SLC18A1: variants seen among roughly 807,000 people sequenced by gnomAD.
SLC18A1 encodes the protein chromaffin granule amine transporter.
Under a neutral mutation model 53.7 loss-of-function variants are expected in SLC18A1, and 69 were observed. The ratio of observed to expected loss-of-function variants is 1.28; its 90% CI spans 1.06 to 1.57. SLC18A1 has a LOEUF of 1.57. Among genes scored for constraint, SLC18A1 ranks in the 40% most tolerant of loss-of-function variants. SLC18A1 has a pLI of 0.00. For synonymous variants in SLC18A1, 320 were observed against 248.1 expected, an observed-to-expected ratio of 1.29 and a Z score of -2.72; for missense variants, 932 against 668.1, an observed-to-expected ratio of 1.40 and a Z score of -4.35.
rs1462671416 is a variant in SLC18A1, at chr8:20,147,337, A to T, written c.1385T>A (p.Val462Asp). The change falls in exon 15 of 16, where the codon GTC becomes GAC. Residue 462 changes from valine (V) to aspartate (D), a missense_variant. Transcript: ENST00000276373. ...VKAIGFPWLMVITGVINIVYA... is the reference protein window; with the variant it reads ...VKAIGFPWLMDITGVINIVYA... ...GACGATGTTGATGACCCCAGTGATG[A>T]CCATGAGCCAGGGAAAACCGATGGC... is the stretch of plus-strand genomic sequence containing the variant. 3 of 1,613,376 alleles carry T rather than the reference A, an allele frequency of 1.9e-6. No individual in the cohort carries two copies. The African/African-American group carries it at 4.0e-5, about 22-fold the overall frequency.
intron 14 of SLC18A1, 92 bp downstream of exon 14, chr8:20,147,511 T>C: frequency 6.3e-7 from 1 of 1,587,790 alleles, no homozygotes. Context: ...GTCAAAGATC[T>C]CCAGAACCCT....
At chr8:20,174,856 C>G (rs2072217576) in intron 4 of SLC18A1, among the ~76,000 whole-genome samples, 1 of 152,188 alleles carries the variant, frequency 6.6e-6, no homozygotes, top group South Asian at 2.1e-4. Context: ...CTGGGTCCCA[C>G]AGGATCATCT....
At chr8:20,182,335 C>A (rs768642310) in intron 1 of SLC18A1, among the ~76,000 whole-genome samples, 1 of 128,850 alleles carries the variant, frequency 7.8e-6, no homozygotes, top group South Asian at 2.4e-4. Context: ...TTAAGCGGCT[C>A]TTAAAAATTA....
chr8:20,179,442 T>G lies in SLC18A1; in HGVS notation c.167A>C (p.Glu56Ala). 6.2e-7 allele frequency: 1 copy of G among 1,613,722 alleles called. No individual in the cohort carries two copies. Among genetic ancestry groups the G allele is most frequent in the African/African-American group, 1.3e-5 (1 of 75,038 alleles). ...PTFLYDMEFK[E>A]VNSSLHLGHA... ...GCCGAGGTGCAGAGAAGAGTTGACT[T>G]CTTTGAACTCCATGTCATATAGGAA... The change falls in exon 3 of 16, where the codon GAA (glutamate) becomes GCA (alanine). Residue 56 changes from glutamate (E) to alanine (A), a missense_variant. Physicochemically the swap from Glu to Ala is moderately radical, Grantham distance 107. Coordinates refer to ENST00000276373, the MANE Select transcript of SLC18A1 (RefSeq NM_003053.4).
rs754398091 is a variant in SLC18A1 at position 20,174,404 on chromosome 8, G to A, written c.588C>T (p.Ala196=). Residue 196 remains alanine, a synonymous_variant, in exon 5 of 16, where the codon GCC becomes GCT. Transcript: ENST00000276373. The part of the protein sequence containing the change: ...FSGTYTLLFV[A]RTLQGIGSSF... ...AAGATCCAATGCCTTGAAGGGTTCG[G>A]GCCACAAAGAGTAGAGTATAGGTCC... 1 of 1,614,020 alleles carries A rather than the reference G, an allele frequency of 6.2e-7. No individual in the cohort carries two copies. The highest frequency in any genetic ancestry group is 1.3e-5 in the African/African-American group (1 of 75,018).
intron 8 of SLC18A1, among the ~76,000 whole-genome samples, chr8:20,169,139 C>T (rs890332437): frequency 3.3e-5 from 5 of 152,104 alleles, no homozygotes; most frequent in African/African-American, 1.2e-4. Flanking sequence ...TACCTCCAGA[C>T]ATGAAACTCA....
chr8:20,148,523 GA>G, intron 12 of SLC18A1: 2 of 1,261,810 alleles, frequency 1.6e-6, no homozygotes, highest in Non-Finnish European at 2.1e-6. Context: ...GTAGCTGTTG[GA>G]AAAAGAAGAT....
Position 20,181,104 on chromosome 8 carries a change from T to G in SLC18A1, c.-123-17A>C. 1 of 865,476 alleles carries G rather than the reference T, an allele frequency of 1.2e-6. No homozygotes were observed. Among genetic ancestry groups the G allele is most frequent in the Non-Finnish European group, 1.7e-6 (1 of 585,182 alleles). The allele number at this position is 865,476 out of a possible 1,614,324, so 53.6% of individuals were successfully genotyped here. A position where few individuals can be genotyped will look rare whatever the true frequency, so the allele number is the denominator to read the frequency against. On this transcript the variant is annotated splice_polypyrimidine_tract_variant and intron_variant, in intron 1 of 15. Coordinates refer to ENST00000276373, the MANE Select transcript of SLC18A1 (RefSeq NM_003053.4). ...GGAAACTCACTATTAAAACGAAAAG[T>G]GCAAAGGGTTGCAAGTAGTAGGATG... is the stretch of plus-strand genomic sequence containing the variant.
intron 4 of SLC18A1, among the ~76,000 whole-genome samples, chr8:20,176,433 C>G (rs530939536): frequency 6.6e-6 from 1 of 152,304 alleles, no homozygotes; most frequent in Non-Finnish European, 1.5e-5. Flanking sequence ...ATGACCCAGC[C>G]TCAGGTACTC....
intron 8 of SLC18A1, among the ~76,000 whole-genome samples, chr8:20,170,202 G>A (rs2072076412): frequency 6.6e-6 from 1 of 151,896 alleles, no homozygotes; most frequent in African/African-American, 2.4e-5. Context: ...ACTGCGGGAG[G>A]CTCCTAGTTG....
chr8:20,178,347 C>G, intron 4 of SLC18A1, 88 bp downstream of exon 4: 1 of 1,037,620 alleles, frequency 9.6e-7, no homozygotes, highest in Non-Finnish European at 1.4e-6. Flanking sequence ...TAATTACATT[C>G]TAGGTTACCC....
At chr8:20,154,929 AG>A in intron 10 of SLC18A1, among the ~76,000 whole-genome samples, 1 of 152,204 alleles carries the variant, frequency 6.6e-6, no homozygotes, top group African/African-American at 2.4e-5. Context: ...TGATCCAGCA[AG>A]GCACCCATTG....
intron 4 of SLC18A1, among the ~76,000 whole-genome samples, chr8:20,176,419 A>G (rs932597613): frequency 2.0e-5 from 3 of 152,214 alleles, no homozygotes; most frequent in Non-Finnish European, 2.9e-5. Flanking sequence ...TCTTTCTAAT[A>G]TAAATGACCC....
chr8:20,168,179 G>C (rs1351745040), intron 8 of SLC18A1, among the ~76,000 whole-genome samples: 1 of 152,062 alleles, frequency 6.6e-6, no homozygotes, highest in East Asian at 1.9e-4. Context: ...TTCAAGGCCA[G>C]CCTGGGCAAC....
chr8:20,179,219 A>G lies in SLC18A1; in HGVS notation c.390T>C (p.Gly130=). Residue 130 remains glycine, a synonymous_variant, in exon 3 of 16, where the codon GGT becomes GGC. Coordinates refer to ENST00000276373, the MANE Select transcript of SLC18A1 (RefSeq NM_003053.4). The part of the protein sequence containing the change: ...AHKNNCLQGT[G]FLEEEITRVG... ...CCCGGGTAATCTCTTCCTCCAAGAAACCTGTGCCTTGCAAGCAGTTGTTTT... is the reference window on the plus strand; with the variant it reads ...CCCGGGTAATCTCTTCCTCCAAGAAGCCTGTGCCTTGCAAGCAGTTGTTTT... 1 of 1,614,152 alleles carries G rather than the reference A, an allele frequency of 6.2e-7. No homozygotes were observed. Among genetic ancestry groups the G allele is most frequent in the Non-Finnish European group, 8.5e-7 (1 of 1,180,038 alleles).
intron 10 of SLC18A1, among the ~76,000 whole-genome samples, chr8:20,153,774 T>C (rs1032585187): frequency 2.0e-5 from 3 of 152,188 alleles, no homozygotes; most frequent in African/African-American, 7.2e-5. Context: ...TATGGGACTA[T>C]TAGAACACCT....
At chr8:20,166,273 G>A (rs1382522526) in intron 8 of SLC18A1, among the ~76,000 whole-genome samples, 5 of 98,960 alleles carry the variant, frequency 5.1e-5, no homozygotes, top group Non-Finnish European at 1.1e-4. Flanking sequence ...AAAATTGTGT[G>A]TGGGTGTGTG....
At chr8:20,162,053 C>T (rs76789864) in intron 10 of SLC18A1, among the ~76,000 whole-genome samples, 1 of 152,166 alleles carries the variant, frequency 6.6e-6, no homozygotes, top group Non-Finnish European at 1.5e-5. Context: ...CAAGGCTTAC[C>T]ACTTGCACCC....
intron 5 of SLC18A1, 103 bp from the exon 6 acceptor site, chr8:20,173,231 TAG>T: frequency 2.4e-6 from 2 of 829,064 alleles, no homozygotes; most frequent in Non-Finnish European, 3.8e-6. Flanking sequence ...CAATCTTAGC[TAG>T]AGTTTCAGTT....
Sources: allele counts gnomAD v4.1 joint callset (sites outside exome capture counted in the v4.1 genomes callset), GRCh38; gene constraint gnomAD v4.1.1; transcripts MANE v1.5; gene names NCBI Gene and HGNC (gene_info 2026-07-23, HGNC 2026-07-21).